The following BANP variants were observed in gnomAD, a reference collection of about 807,000 sequenced individuals.
BANP encodes the protein protein BANP.
In BANP, 11 loss-of-function variants were observed where a neutral mutation model predicts 68.1. The ratio of observed to expected loss-of-function variants is 0.16; its 90% CI spans 0.10 to 0.27. The LOEUF is 0.27. Among genes scored for constraint, BANP ranks in the 10% least tolerant of loss-of-function variants. BANP has a pLI of 1.00. For synonymous variants in BANP, 329 were observed against 303.2 expected, an observed-to-expected ratio of 1.09 and a Z score of -0.88; for missense variants, 504 against 722.7, an observed-to-expected ratio of 0.70 and a Z score of 3.47.
chr16:88,015,395 G>A (rs910672045), intron 6 of BANP, among the ~76,000 whole-genome samples: 9 of 152,224 alleles, frequency 5.9e-5, no homozygotes, highest in Admixed American at 4.6e-4. Flanking sequence ...GGGCGTGGGC[G>A]CCTGCTTTCT....
At chr16:88,076,249 G>A (rs2091578296) in intron 13 of BANP, among the ~76,000 whole-genome samples, 1 of 152,186 alleles carries the variant, frequency 6.6e-6, no homozygotes, top group African/African-American at 2.4e-5. Flanking sequence ...GGGCCAGGAT[G>A]TTCTCCACTT....
chr16:88,033,324 G>T, intron 9 of BANP, 79 bp downstream of exon 9: 3 of 1,374,034 alleles, frequency 2.2e-6, no homozygotes, highest in Non-Finnish European at 2.9e-6. Flanking sequence ...GGCTTCCACC[G>T]GTTCCGCTGT....
At chr16:87,983,238 C>T (rs1218217015) in intron 3 of BANP, among the ~76,000 whole-genome samples, 1 of 151,886 alleles carries the variant, frequency 6.6e-6, no homozygotes, top group Non-Finnish European at 1.5e-5. Flanking sequence ...GTGGGCGCTC[C>T]CCCAACCTGT....
intron 6 of BANP, among the ~76,000 whole-genome samples, chr16:88,008,901 A>C (rs930779844): frequency 6.6e-6 from 1 of 152,206 alleles, no homozygotes; most frequent in African/African-American, 2.4e-5. Flanking sequence ...TCATCCCATT[A>C]GGAGGAAACA....
chr16:88,046,580 C>G (rs1265334493), intron 11 of BANP, among the ~76,000 whole-genome samples: 2 of 151,836 alleles, frequency 1.3e-5, no homozygotes, highest in Non-Finnish European at 2.9e-5. Flanking sequence ...GAGTCTTGCT[C>G]TGTTGCCCAG....
chr16:87,957,149 C>G lies in BANP; in HGVS notation c.-69+5634C>G. On this transcript the variant is annotated intron_variant, in intron 1 of 13. Coordinates refer to ENST00000682872, the MANE Select transcript of BANP (RefSeq NM_001386991.1). The surrounding 1 kb of genome is among the most constrained non-coding windows in gnomAD (Gnocchi z 4.3). ...AAACATTCTGGATCGTCAGCGTTCA[C>G]GGTGGAGCAGACTCCACGACTCGCT... 6.6e-6 allele frequency: 1 copy of G among 152,348 alleles called. No homozygotes were observed. Among genetic ancestry groups the G allele is most frequent in the Non-Finnish European group, 1.5e-5 (1 of 68,046 alleles). 9.4% of individuals were successfully genotyped at this position (152,348 alleles called of 1,614,324 possible).
chr16:88,046,910 C>T (rs2082145880), intron 11 of BANP, among the ~76,000 whole-genome samples: 1 of 149,096 alleles, frequency 6.7e-6, no homozygotes, highest in South Asian at 2.3e-4. Flanking sequence ...ACTAAAAATA[C>T]AAAAAATTAG....
intron 11 of BANP, among the ~76,000 whole-genome samples, chr16:88,061,958 C>G (rs773778109): frequency 1.2e-4 from 18 of 152,208 alleles, no homozygotes; most frequent in Non-Finnish European, 2.2e-4. Context: ...CACGCCCAGC[C>G]TGAGCACCTC....
chr16:88,019,196 G>A (rs2075297905), intron 7 of BANP, among the ~76,000 whole-genome samples: 1 of 152,174 alleles, frequency 6.6e-6, no homozygotes, highest in African/African-American at 2.4e-5. Context: ...TGACGTCTCC[G>A]TCCCCTCTGA....
chr16:88,049,843 A>G (rs1439042203), intron 11 of BANP, among the ~76,000 whole-genome samples: 1 of 152,186 alleles, frequency 6.6e-6, no homozygotes, highest in Non-Finnish European at 1.5e-5. Flanking sequence ...AGACATCTCT[A>G]ATGCGTTTCA....
At chr16:88,037,576 T>C in intron 10 of BANP, 2 of 207,694 alleles carry the variant, frequency 9.6e-6, no homozygotes, top group South Asian at 1.5e-4. Flanking sequence ...TGACCTGGCG[T>C]GGTGATGCCG....
chr16:88,063,246 C>G (rs1266474465), intron 11 of BANP, among the ~76,000 whole-genome samples: 1 of 152,224 alleles, frequency 6.6e-6, no homozygotes, highest in East Asian at 1.9e-4. Flanking sequence ...ATTTCTAGGC[C>G]CAGTGCCTCG....
At chr16:88,034,471 G>T (rs2078873093) in intron 9 of BANP, among the ~76,000 whole-genome samples, 1 of 111,238 alleles carries the variant, frequency 9.0e-6, no homozygotes, top group Non-Finnish European at 2.1e-5. Flanking sequence ...TGGATTCTTT[G>T]ATTTTTTTTG....
In BANP at chr16:88,066,819, C is replaced by T. The variant is rs191553797; in HGVS notation, c.1377+1487C>T. Among the ~76,000 whole-genome samples the T allele has an allele frequency of 2.9e-3, 434 of 152,256 alleles. 2 individuals carry two copies. The highest frequency in any genetic ancestry group is 9.9e-3 in the African/African-American group (411 of 41,552). ...TCAGCCTTCAAAACGCCGCTCCCAG[C>T]GGTGCGGGCGCTCCCTCTCGTGCTC... is the stretch of plus-strand genomic sequence containing the variant. On this transcript the variant is annotated intron_variant, in intron 12 of 13. Coordinates refer to ENST00000682872, the MANE Select transcript of BANP (RefSeq NM_001386991.1).
intron 4 of BANP, 115 bp downstream of exon 4, chr16:87,984,374 C>G (rs2146203287): frequency 1.8e-6 from 2 of 1,120,606 alleles, no homozygotes; most frequent in East Asian, 5.2e-5. Context: ...CGGTGTCTGC[C>G]TCAGCAGTCT....
chr16:88,047,330 GT>G (rs2082260159), intron 11 of BANP, among the ~76,000 whole-genome samples: 1 of 152,196 alleles, frequency 6.6e-6, no homozygotes, highest in Admixed American at 6.5e-5. Context: ...AAAACTGCCA[GT>G]TTCTCCCCAC....
chr16:88,071,424 G>A lies in BANP; in HGVS notation c.1378-645G>A, dbSNP rs373057680. The A allele has an allele frequency of 1.2e-4, 54 of 455,312 alleles. No homozygotes were observed. Among genetic ancestry groups the A allele is most frequent in the East Asian group, 1.1e-3 (16 of 14,382 alleles). The allele number at this position is 455,312 out of a possible 1,614,324, so 28.2% of individuals were successfully genotyped here. A position where few individuals can be genotyped will look rare whatever the true frequency, so the allele number is the denominator to read the frequency against. ...TCACCAGAGCCCACCCAGGGGCCTC[G>A]CCTGTCCCCCATTCTCATTCCATAC... On this transcript the variant is annotated intron_variant, in intron 12 of 13. Coordinates refer to ENST00000682872, the MANE Select transcript of BANP (RefSeq NM_001386991.1). This position sits in a 1 kb window ranked among gnomAD's most constrained non-coding sequence, Gnocchi z 6.5.
intron 13 of BANP, among the ~76,000 whole-genome samples, chr16:88,074,048 G>C (rs1378446862): frequency 6.6e-6 from 1 of 152,248 alleles, no homozygotes; most frequent in African/African-American, 2.4e-5. Flanking sequence ...GGGTGCGTTA[G>C]CTTGTCACCA....
In BANP at chr16:88,064,595, T is replaced by C. The variant is rs1357365179; in HGVS notation, c.1312-672T>C. On this transcript the variant is annotated intron_variant, in intron 11 of 13. Coordinates refer to ENST00000682872, the MANE Select transcript of BANP (RefSeq NM_001386991.1). The surrounding 1 kb of genome is among the most constrained non-coding windows in gnomAD (Gnocchi z 4.5). ...GGCATCGCCAGGCTGGGCGCCTGTGTGGCACCACGTGGCACTCCCCGAGGA... is the reference window on the plus strand; with the variant it reads ...GGCATCGCCAGGCTGGGCGCCTGTGCGGCACCACGTGGCACTCCCCGAGGA... 6.6e-6 allele frequency among the ~76,000 whole-genome samples: 1 copy of C among 152,232 alleles called. No homozygotes were observed. The highest frequency in any genetic ancestry group is 2.4e-5 in the African/African-American group (1 of 41,460).
Sources: gnomAD v4.1 joint callset for allele counts (sites outside exome capture counted in the v4.1 genomes callset) on GRCh38, gnomAD v4.1.1 for gene constraint, Gnocchi (gnomAD v3.1) non-coding constraint, MANE v1.5 for transcripts, NCBI Gene and HGNC (gene_info 2026-07-23, HGNC 2026-07-21) for gene names.